Variants in CCSER1 observed in about 807,000 individuals in gnomAD.
CCSER1 encodes the protein coiled-coil serine rich protein 1, also known as serine-rich coiled-coil domain-containing protein 1.
CCSER1 carries 41 observed loss-of-function variants against 82.0 expected under a neutral mutation model. That is an observed-to-expected ratio of 0.50 (90% CI 0.39 to 0.65). The LOEUF (loss-of-function observed/expected upper bound fraction) is 0.65. CCSER1 is among the 30% of genes least tolerant of loss of function. The pLI, the probability that CCSER1 is intolerant of heterozygous loss-of-function variation, is 0.00. For missense variants in CCSER1, 1,119 were observed against 1,064.2 expected, an observed-to-expected ratio of 1.05 and a Z score of -0.72; for synonymous variants, 414 against 383.9, an observed-to-expected ratio of 1.08 and a Z score of -0.92.
chr4:91,012,694 G>A (rs1415285928), intron 9 of CCSER1, among the ~76,000 whole-genome samples: 3 of 84,838 alleles, frequency 3.5e-5, no homozygotes, highest in Non-Finnish European at 1.1e-4. Flanking sequence ...CACTCCAACA[G>A]TACTTCCAAC....
chr4:91,414,371 C>T (rs1335979039), intron 10 of CCSER1, among the ~76,000 whole-genome samples: 2 of 151,874 alleles, frequency 1.3e-5, no homozygotes, highest in African/African-American at 4.8e-5. Context: ...AATTTTATAA[C>T]ACTAAGATGT....
intron 4 of CCSER1, among the ~76,000 whole-genome samples, chr4:90,437,288 CATAT>C (rs539992640): frequency 4.8e-4 from 70 of 147,118 alleles, no homozygotes; most frequent in African/African-American, 1.7e-3. Context: ...CACACACACA[CATAT>C]ATATATACAC....
At chr4:91,389,610 G>A (rs572848744) in intron 10 of CCSER1, among the ~76,000 whole-genome samples, 16 of 151,552 alleles carry the variant, frequency 1.1e-4, no homozygotes, top group African/African-American at 3.9e-4. Flanking sequence ...TGTAAATATC[G>A]ACAAAACAAC....
At chr4:91,081,305 A>T (rs1043537013) in intron 9 of CCSER1, among the ~76,000 whole-genome samples, 26 of 152,318 alleles carry the variant, frequency 1.7e-4, no homozygotes, top group African/African-American at 6.0e-4. Flanking sequence ...CAAAGACAAA[A>T]ACCACATGAT....
chr4:90,809,675 G>A (rs1757994894), intron 7 of CCSER1, among the ~76,000 whole-genome samples: 2 of 151,546 alleles, frequency 1.3e-5, no homozygotes, highest in African/African-American at 4.9e-5. Context: ...TACCCCTAAA[G>A]CTATAGAAAT....
chr4:90,691,728 G>A lies in CCSER1; in HGVS notation c.1933-32186G>A, dbSNP rs144985263. ...ATGTTATTTTATTTTACATTCAGGAGTACATATGCAGGTTTGTTATATAGG... is the reference window on the plus strand; with the variant it reads ...ATGTTATTTTATTTTACATTCAGGAATACATATGCAGGTTTGTTATATAGG... On this transcript the variant is annotated intron_variant, in intron 6 of 10. Coordinates refer to ENST00000509176, the MANE Select transcript of CCSER1 (RefSeq NM_001145065.2). 1.3e-3 allele frequency among the ~76,000 whole-genome samples: 204 copies of A among 151,696 alleles called. 1 individual carries two copies. The highest frequency in any genetic ancestry group is 4.7e-3 in the African/African-American group (196 of 41,424).
intron 1 of CCSER1, among the ~76,000 whole-genome samples, chr4:90,277,360 A>G (rs1448881845): frequency 6.6e-6 from 1 of 152,166 alleles, no homozygotes; most frequent in Non-Finnish European, 1.5e-5. Context: ...AAGCAATCCT[A>G]AGCAAAAAGA....
chr4:90,560,796 A>G (rs1053923109), intron 5 of CCSER1, among the ~76,000 whole-genome samples: 2 of 152,110 alleles, frequency 1.3e-5, no homozygotes, highest in African/African-American at 4.8e-5. Context: ...CTTTTCATGG[A>G]GTAGTTTTTT....
intron 1 of CCSER1, among the ~76,000 whole-genome samples, chr4:90,176,484 C>A (rs1295697022): frequency 1.3e-5 from 2 of 151,838 alleles, no homozygotes; most frequent in African/African-American, 4.8e-5. Context: ...TTGAACATAC[C>A]CACTTATTAA....
intron 3 of CCSER1, among the ~76,000 whole-genome samples, chr4:90,349,164 C>T (rs1048248958): frequency 6.6e-6 from 1 of 152,030 alleles, no homozygotes; most frequent in African/African-American, 2.4e-5. Flanking sequence ...TTGAAGTAAA[C>T]AAGTATATTG....
intron 10 of CCSER1, among the ~76,000 whole-genome samples, chr4:91,241,518 G>A (rs1167987094): frequency 6.8e-6 from 1 of 147,580 alleles, no homozygotes; most frequent in African/African-American, 2.5e-5. Flanking sequence ...AATAGAGACG[G>A]GGTTTCCCTG....
chr4:90,911,637 A>G (rs1304398157), intron 8 of CCSER1, among the ~76,000 whole-genome samples: 2 of 152,122 alleles, frequency 1.3e-5, no homozygotes, highest in African/African-American at 4.8e-5. Context: ...TGGGTGCAGG[A>G]CAGTGGGTGT....
chr4:90,954,918 C>T (rs1040825734), intron 9 of CCSER1, among the ~76,000 whole-genome samples: 2 of 152,112 alleles, frequency 1.3e-5, no homozygotes, highest in Admixed American at 6.6e-5. Flanking sequence ...ACATGTATGC[C>T]CTAGCTTTAG....
At chr4:90,982,640 A>C (rs898338146) in intron 9 of CCSER1, among the ~76,000 whole-genome samples, 63 of 151,744 alleles carry the variant, frequency 4.2e-4, no homozygotes, top group African/African-American at 1.5e-3. Flanking sequence ...AAACAAAAAA[A>C]AATTCCTGCA....
chr4:91,162,433 T>C (rs1731517063), intron 10 of CCSER1, among the ~76,000 whole-genome samples: 1 of 152,228 alleles, frequency 6.6e-6, no homozygotes, highest in Non-Finnish European at 1.5e-5. Flanking sequence ...ATCAGGATGA[T>C]GCTGGCCTCA....
chr4:91,572,595 C>A (rs1288721467), intron 10 of CCSER1, among the ~76,000 whole-genome samples: 1 of 152,038 alleles, frequency 6.6e-6, no homozygotes, highest in Non-Finnish European at 1.5e-5. Context: ...CCAGAGAACA[C>A]CTGCAGGTAT....
chr4:90,495,331 T>G (rs901189476), intron 5 of CCSER1, among the ~76,000 whole-genome samples: 1 of 152,174 alleles, frequency 6.6e-6, no homozygotes. Flanking sequence ...GTTATGAATT[T>G]GACATGCATT....
intron 10 of CCSER1, among the ~76,000 whole-genome samples, chr4:91,352,587 G>A (rs1748552265): frequency 6.6e-6 from 1 of 152,036 alleles, no homozygotes; most frequent in South Asian, 2.1e-4. Flanking sequence ...GGTTATACAG[G>A]GGTCATACAA....
At chr4:91,184,074 T>C (rs1734299074) in intron 10 of CCSER1, among the ~76,000 whole-genome samples, 1 of 152,228 alleles carries the variant, frequency 6.6e-6, no homozygotes, top group Non-Finnish European at 1.5e-5. Context: ...TCAGGAGCTA[T>C]AATTAAACCA....
Sources: gnomAD v4.1 joint callset for allele counts (sites outside exome capture counted in the v4.1 genomes callset) on GRCh38, gnomAD v4.1.1 for gene constraint, MANE v1.5 for transcripts, NCBI Gene and HGNC (gene_info 2026-07-23, HGNC 2026-07-21) for gene names.